SLC4A4: variants seen among roughly 807,000 people sequenced by gnomAD.
SLC4A4 encodes solute carrier family 4 member 4, also known as electrogenic sodium bicarbonate cotransporter 1.
Under a neutral mutation model 111.5 loss-of-function variants are expected in SLC4A4, and 27 were observed. That is an observed-to-expected ratio of 0.24 (90% CI 0.18 to 0.33). The LOEUF (loss-of-function observed/expected upper bound fraction) is 0.33. SLC4A4 is among the 10% of genes least tolerant of loss of function. SLC4A4 has a pLI of 1.00. For missense variants in SLC4A4, 909 were observed against 1,315.5 expected, an observed-to-expected ratio of 0.69 and a Z score of 4.78; for synonymous variants, 443 against 463.4, an observed-to-expected ratio of 0.96 and a Z score of 0.57.
chr4:71,154,037 G>T (rs963231553), intron 2 of SLC4A4, among the ~76,000 whole-genome samples: 1 of 152,130 alleles, frequency 6.6e-6, no homozygotes, highest in African/African-American at 2.4e-5. Flanking sequence ...AGACATATGC[G>T]GATTTGGAGT....
At chr4:71,526,035 T>C (rs1733387341) in intron 16 of SLC4A4, among the ~76,000 whole-genome samples, 1 of 152,088 alleles carries the variant, frequency 6.6e-6, no homozygotes, top group African/African-American at 2.4e-5. Flanking sequence ...ATGTACTCAT[T>C]GCTAGACATT....
intron 2 of SLC4A4, among the ~76,000 whole-genome samples, chr4:71,247,795 G>T (rs1310369027): frequency 1.3e-5 from 2 of 152,118 alleles, no homozygotes; most frequent in Non-Finnish European, 2.9e-5. Flanking sequence ...GGTTCTGGGT[G>T]TCGGGATAAG....
chr4:71,420,495 G>C (rs1023707344), intron 7 of SLC4A4, among the ~76,000 whole-genome samples: 4 of 151,986 alleles, frequency 2.6e-5, no homozygotes, highest in East Asian at 1.9e-4. Flanking sequence ...ACGCCACAAA[G>C]ATACTCCTCG....
upstream of SLC4A4, among the ~76,000 whole-genome samples, chr4:71,185,698 G>C (rs1745430152): frequency 6.6e-6 from 1 of 152,120 alleles, no homozygotes; most frequent in African/African-American, 2.4e-5. Context: ...GAGGCACCAT[G>C]GATCTCTGGA....
At chr4:71,557,991 C>G in intron 22 of SLC4A4, 106 bp downstream of exon 22, 3 of 886,002 alleles carry the variant, frequency 3.4e-6, no homozygotes, top group Non-Finnish European at 3.7e-6. Flanking sequence ...CCAAATTTTT[C>G]CAGCTTTGAC....
chr4:71,114,915 A>G (rs1272362634), intron 2 of SLC4A4, among the ~76,000 whole-genome samples: 4 of 122,024 alleles, frequency 3.3e-5, no homozygotes, highest in African/African-American at 1.4e-4. Flanking sequence ...TATTCACAAT[A>G]GCAAAGACTT....
chr4:71,256,185 A>T (rs986483117), intron 3 of SLC4A4, among the ~76,000 whole-genome samples: 10 of 152,330 alleles, frequency 6.6e-5, no homozygotes, highest in African/African-American at 2.4e-4. Flanking sequence ...CAGGAGTTAC[A>T]CAGTGACAGC....
At chr4:71,140,494 T>C (rs1743965478) in intron 2 of SLC4A4, among the ~76,000 whole-genome samples, 2 of 152,108 alleles carry the variant, frequency 1.3e-5, no homozygotes, top group South Asian at 4.1e-4. Flanking sequence ...CTCTTTTTAA[T>C]CTCCATACTC....
intron 7 of SLC4A4, among the ~76,000 whole-genome samples, chr4:71,401,522 A>G (rs1560474990): frequency 6.6e-6 from 1 of 152,154 alleles, no homozygotes; most frequent in Non-Finnish European, 1.5e-5. Flanking sequence ...TTTTCACATT[A>G]TCTAATTATG....
At chr4:71,184,242 T>C (rs920096874), upstream of SLC4A4, among the ~76,000 whole-genome samples, 6 of 152,216 alleles carry the variant, frequency 3.9e-5, no homozygotes, top group African/African-American at 1.4e-4. Context: ...GGCCGATCAA[T>C]TGCATTATTC....
chr4:71,163,478 C>T (rs371351501), intron 2 of SLC4A4, among the ~76,000 whole-genome samples: 48 of 152,232 alleles, frequency 3.2e-4, no homozygotes, highest in African/African-American at 1.1e-3. Context: ...TGTTGCATTC[C>T]AATCATTGAT....
chr4:71,182,742 ACTCT>A (rs1045495487), upstream of SLC4A4, among the ~76,000 whole-genome samples: 1 of 128,368 alleles, frequency 7.8e-6, no homozygotes, highest in African/African-American at 3.0e-5. Flanking sequence ...ACACACACAC[ACTCT>A]CTCTCACATT....
intron 4 of SLC4A4, among the ~76,000 whole-genome samples, chr4:71,340,354 TA>T: frequency 6.6e-6 from 1 of 152,366 alleles, no homozygotes. Context: ...TACAGTAAGA[TA>T]TTTTGAGAGA....
At chr4:71,185,420 G>C (rs1303346841), upstream of SLC4A4, among the ~76,000 whole-genome samples, 2 of 152,114 alleles carry the variant, frequency 1.3e-5, no homozygotes, top group Non-Finnish European at 2.9e-5. Context: ...TAATCATTTA[G>C]GTGAAAACTT....
At chr4:71,222,308 T>G (rs1400848355) in intron 1 of SLC4A4, among the ~76,000 whole-genome samples, 5 of 152,208 alleles carry the variant, frequency 3.3e-5, no homozygotes, top group Non-Finnish European at 7.3e-5. Flanking sequence ...CTCACATAAC[T>G]GCAAGTCTCA....
At chr4:71,243,557 A>G (rs1190213837) in intron 2 of SLC4A4, among the ~76,000 whole-genome samples, 1 of 152,052 alleles carries the variant, frequency 6.6e-6, no homozygotes, top group Non-Finnish European at 1.5e-5. Flanking sequence ...CTTTTGGCTG[A>G]TTGCATTTAG....
At chr4:71,146,952 TAA>T (rs1180968840) in intron 2 of SLC4A4, among the ~76,000 whole-genome samples, 1 of 152,084 alleles carries the variant, frequency 6.6e-6, no homozygotes, top group Non-Finnish European at 1.5e-5. Context: ...GCAAATTGGA[TAA>T]AGAGTCAAGA....
At chr4:71,427,291 G>A (rs1053930459) in intron 7 of SLC4A4, among the ~76,000 whole-genome samples, 2 of 151,850 alleles carry the variant, frequency 1.3e-5, no homozygotes, top group Non-Finnish European at 2.9e-5. Flanking sequence ...GACAGTTAAG[G>A]CATGAATGTT....
intron 14 of SLC4A4, among the ~76,000 whole-genome samples, chr4:71,479,482 CCT>C (rs928583937): frequency 4.6e-5 from 7 of 151,648 alleles, no homozygotes; most frequent in Admixed American, 3.9e-4. Context: ...GATTGCATCC[CCT>C]GTGTTCCCAT....
Sources: allele counts gnomAD v4.1 joint callset (sites outside exome capture counted in the v4.1 genomes callset), GRCh38; gene constraint gnomAD v4.1.1; transcripts MANE v1.5; gene names NCBI Gene and HGNC (gene_info 2026-07-23, HGNC 2026-07-21).